The following NEDD9 variants were observed in gnomAD, a reference collection of about 807,000 sequenced individuals.
The protein encoded by NEDD9 is neural precursor cell expressed, developmentally down-regulated 9, also known as enhancer of filamentation 1.
Under a neutral mutation model 76.6 loss-of-function variants are expected in NEDD9, and 26 were observed. The observed-to-expected ratio is 0.34, with a 90% CI of 0.25 to 0.47. The LOEUF is 0.47. Among genes scored for constraint, NEDD9 ranks in the 20% least tolerant of loss-of-function variants. NEDD9 has a pLI of 1.00. For synonymous variants in NEDD9, 392 were observed against 414.2 expected, an observed-to-expected ratio of 0.95 and a Z score of 0.65; for missense variants, 937 against 1,058.5, an observed-to-expected ratio of 0.89 and a Z score of 1.59.
At chr6:11,346,631 C>T (rs935437085) in intron 1 of NEDD9, among the ~76,000 whole-genome samples, 1 of 152,138 alleles carries the variant, frequency 6.6e-6, no homozygotes, top group Non-Finnish European at 1.5e-5. Flanking sequence ...GGACTCTCAT[C>T]GGGGAAGGAG....
At chr6:11,342,191 C>T (rs527855843) in intron 1 of NEDD9, among the ~76,000 whole-genome samples, 3 of 151,964 alleles carry the variant, frequency 2.0e-5, no homozygotes, top group Admixed American at 2.0e-4. Flanking sequence ...GGGTCAAAGA[C>T]CTATGGAACA....
chr6:11,245,846 T>C (rs1247646305), intron 3 of NEDD9, among the ~76,000 whole-genome samples: 1 of 152,196 alleles, frequency 6.6e-6, no homozygotes, highest in Non-Finnish European at 1.5e-5. Flanking sequence ...AAAAAAGCCC[T>C]CTTTATGAGC....
chr6:11,222,464 T>C (rs1156654261), intron 1 of NEDD9, among the ~76,000 whole-genome samples: 2 of 152,244 alleles, frequency 1.3e-5, no homozygotes, highest in Non-Finnish European at 1.5e-5. Flanking sequence ...TTTTTGAAGC[T>C]GCAGCTTCTT....
chr6:11,367,829 A>T (rs1157961493), intron 1 of NEDD9, among the ~76,000 whole-genome samples: 1 of 152,160 alleles, frequency 6.6e-6, no homozygotes, highest in East Asian at 1.9e-4. Flanking sequence ...AATTGCTTAA[A>T]CCTAGCTACT....
chr6:11,216,950 C>CTTGTTGAG (rs889431872), intron 1 of NEDD9, among the ~76,000 whole-genome samples: 1 of 152,194 alleles, frequency 6.6e-6, no homozygotes, highest in Non-Finnish European at 1.5e-5. Context: ...ACTGCAACCT[C>CTTGTTGAG]TTGTTGAGTA....
chr6:11,323,055 G>A (rs1462035131), intron 2 of NEDD9, among the ~76,000 whole-genome samples: 3 of 152,178 alleles, frequency 2.0e-5, no homozygotes, highest in Non-Finnish European at 4.4e-5. Context: ...TCTCTTTGAA[G>A]ATTAAAAGAG....
At chr6:11,327,265 CCA>C (rs1046675819) in intron 2 of NEDD9, among the ~76,000 whole-genome samples, 2 of 152,206 alleles carry the variant, frequency 1.3e-5, no homozygotes, top group African/African-American at 4.8e-5. Flanking sequence ...TAATCTCTCT[CCA>C]CAGTCTTCCT....
chr6:11,210,391 A>G (rs1758745584), intron 2 of NEDD9, among the ~76,000 whole-genome samples: 1 of 152,222 alleles, frequency 6.6e-6, no homozygotes, highest in Admixed American at 6.5e-5. Flanking sequence ...TTTAAAGACC[A>G]TAGCTTAAAC....
intron 3 of NEDD9, among the ~76,000 whole-genome samples, chr6:11,284,717 T>G (rs1760611367): frequency 6.6e-6 from 1 of 151,004 alleles, no homozygotes; most frequent in Non-Finnish European, 1.5e-5. Context: ...CTTTATTGGA[T>G]ACTCATTTGT....
At chr6:11,207,904 G>A (rs1269966810) in intron 2 of NEDD9, among the ~76,000 whole-genome samples, 3 of 152,312 alleles carry the variant, frequency 2.0e-5, no homozygotes, top group Non-Finnish European at 2.9e-5. Flanking sequence ...TAGGCCAGGC[G>A]CAGTGGCTCA....
chr6:11,205,751 G>A (rs1247830281), intron 2 of NEDD9, among the ~76,000 whole-genome samples: 2 of 151,890 alleles, frequency 1.3e-5, no homozygotes, highest in Non-Finnish European at 2.9e-5. Flanking sequence ...CTCAGCCTCC[G>A]AAGTAACTCG....
rs1757899076 is a variant in NEDD9, at chr6:11,183,379, A to G, written c.*1783T>C. 2 of 152,228 alleles carry G rather than the reference A, an allele frequency of 1.3e-5. No individual in the cohort carries two copies. The highest frequency in any genetic ancestry group is 4.1e-4 in the South Asian group (2 of 4,836). The allele number at this position is 152,228 out of a possible 1,614,324, so 9.4% of individuals were successfully genotyped here. On this transcript the variant is annotated 3_prime_UTR_variant, in exon 7 of 7. Transcript: ENST00000379446. ...CGGCAAAGAGTAATACAGATTGAAC[A>G]TTTGGTTTTAAAAATGTGAAATGTC...
chr6:11,265,415 T>C (rs896938990), intron 3 of NEDD9, among the ~76,000 whole-genome samples: 3 of 152,254 alleles, frequency 2.0e-5, no homozygotes, highest in African/African-American at 7.2e-5. Flanking sequence ...ATTGCTACAG[T>C]ATTTTCTGGA....
chr6:11,267,886 T>A (rs531258960), intron 3 of NEDD9, among the ~76,000 whole-genome samples: 42 of 152,326 alleles, frequency 2.8e-4, no homozygotes, highest in Admixed American at 9.8e-4. Context: ...AGATTGAATT[T>A]AAGTAGAGAA....
chr6:11,308,576 A>C (rs555583548), intron 2 of NEDD9, among the ~76,000 whole-genome samples: 3 of 151,912 alleles, frequency 2.0e-5, no homozygotes, highest in South Asian at 2.1e-4. Flanking sequence ...TCATCGTGTT[A>C]GCCAGGATGG....
rs554235148 is a variant in NEDD9 at position 11,356,157 on chromosome 6, G to A, written c.-213-21596C>T. Among the ~76,000 whole-genome samples the A allele has an allele frequency of 2.4e-4, 36 of 152,302 alleles. No homozygotes were observed. In the South Asian group the frequency reaches 5.4e-3, roughly 23 times the overall value. On this transcript the variant is annotated intron_variant, in intron 1 of 3. Coordinates refer to the NEDD9 transcript ENST00000397378. ...ATTGAGATCTGCCTAACATTTGTTA[G>A]GGGAGTGGGGAAACCTGCTCTCCGA...
chr6:11,232,815 T>C (rs1759523491), upstream of NEDD9: 1 of 918,242 alleles, frequency 1.1e-6, no homozygotes, highest in African/African-American at 1.7e-5. Context: ...TGATCGCTTC[T>C]TTTTGCTTTA....
chr6:11,338,781 G>A (rs1447523902), intron 1 of NEDD9, among the ~76,000 whole-genome samples: 1 of 152,052 alleles, frequency 6.6e-6, no homozygotes, highest in Admixed American at 6.5e-5. Flanking sequence ...AATTAGCTGG[G>A]TGTAGTGGTG....
chr6:11,229,657 C>T (rs561985602), intron 1 of NEDD9, among the ~76,000 whole-genome samples: 8 of 152,270 alleles, frequency 5.3e-5, no homozygotes, highest in African/African-American at 1.2e-4. Flanking sequence ...ATGAAGCCCC[C>T]GTAATTTACT....
Sources: allele counts gnomAD v4.1 joint callset (sites outside exome capture counted in the v4.1 genomes callset), GRCh38; gene constraint gnomAD v4.1.1; transcripts MANE v1.5; gene names NCBI Gene and HGNC (gene_info 2026-07-23, HGNC 2026-07-21).